The following VDAC1 variants were observed in gnomAD, a reference collection of about 807,000 sequenced individuals.
VDAC1 encodes voltage dependent anion channel 1.
In VDAC1, 10 loss-of-function variants were observed where a neutral mutation model predicts 34.7. The ratio of observed to expected loss-of-function variants is 0.29; its 90% CI spans 0.18 to 0.49. The LOEUF is 0.49. VDAC1 is among the 20% of genes least tolerant of loss of function. The pLI is 0.99. For missense variants in VDAC1, 230 were observed against 347.9 expected (o/e 0.66, Z 2.69); for synonymous variants, 130 against 136.0 (o/e 0.96, Z 0.30).
the VDAC1 span, among the ~76,000 whole-genome samples, chr5:134,105,718 G>A: frequency 1.3e-5 from 2 of 152,338 alleles, no homozygotes; most frequent in South Asian, 2.1e-4. Context: ...ATGGGGACCC[G>A]GGTCTCCCAG....
At chr5:134,076,677 A>C in the VDAC1 span, among the ~76,000 whole-genome samples, 363 of 152,160 alleles carry the variant, frequency 2.4e-3, 2 homozygotes, top group Admixed American at 8.7e-3. Flanking sequence ...GGCTCAAGAC[A>C]CGGCCCTCCT....
chr5:134,020,924 G>A, the VDAC1 span, among the ~76,000 whole-genome samples: 547 of 151,864 alleles, frequency 3.6e-3, 3 homozygotes, highest in African/African-American at 0.013. Flanking sequence ...TTGGGAGGCC[G>A]AGGTGGGAGG....
the VDAC1 span, among the ~76,000 whole-genome samples, chr5:134,093,041 T>G: frequency 6.6e-6 from 1 of 152,232 alleles, no homozygotes; most frequent in African/African-American, 2.4e-5. Flanking sequence ...GATTTGTGGA[T>G]TCATGACCCT....
At chr5:133,980,626 G>T in intron 6 of VDAC1, 103 bp downstream of exon 6, 1 of 981,982 alleles carries the variant, frequency 1.0e-6, no homozygotes, top group Non-Finnish European at 1.5e-6. Flanking sequence ...TTAAAAACTG[G>T]GCTTTCTTAA....
At chr5:134,026,533 A>C in the VDAC1 span, among the ~76,000 whole-genome samples, 4 of 151,754 alleles carry the variant, frequency 2.6e-5, no homozygotes, top group East Asian at 1.9e-4. Context: ...AAAAAAAAAA[A>C]AAAAAACACT....
chr5:134,034,774 G>GAGGAAAGGAGCTGCGAGTA, the VDAC1 span, among the ~76,000 whole-genome samples: 140 of 152,104 alleles, frequency 9.2e-4, no homozygotes, highest in African/African-American at 2.6e-3. Flanking sequence ...TTCCACTATG[G>GAGGAAAGGAGCTGCGAGTA]AGGAAAGGAG....
At chr5:134,102,333 TA>T in the VDAC1 span, among the ~76,000 whole-genome samples, 3 of 114,378 alleles carry the variant, frequency 2.6e-5, no homozygotes, top group Admixed American at 1.8e-4. Context: ...CCCCACCCTC[TA>T]CCCCCCCCAC....
chr5:134,099,384 G>A, the VDAC1 span, among the ~76,000 whole-genome samples: 1 of 152,160 alleles, frequency 6.6e-6, no homozygotes, highest in African/African-American at 2.4e-5. Flanking sequence ...GGATGCTAGA[G>A]GAGGCTGGAG....
chr5:134,013,101 AT>A, the VDAC1 span, among the ~76,000 whole-genome samples: 26 of 152,212 alleles, frequency 1.7e-4, no homozygotes, highest in Non-Finnish European at 3.4e-4. Flanking sequence ...CTCAAGACGG[AT>A]TAAAGACTTA....
At chr5:133,972,986 C>T (rs1580704105) in intron 8 of VDAC1, 124 bp from the exon 9 acceptor site, 3 of 722,440 alleles carry the variant, frequency 4.2e-6, no homozygotes, top group East Asian at 5.4e-5. Flanking sequence ...CTACATGGCC[C>T]TTCAATCCTT....
the VDAC1 span, among the ~76,000 whole-genome samples, chr5:134,033,614 C>T: frequency 6.7e-6 from 1 of 150,318 alleles, no homozygotes; most frequent in African/African-American, 2.5e-5. Flanking sequence ...ATTTCACGTA[C>T]CAATAATACT....
At chr5:134,110,651 G>A in the VDAC1 span, among the ~76,000 whole-genome samples, 9 of 152,242 alleles carry the variant, frequency 5.9e-5, no homozygotes, top group Admixed American at 4.6e-4. Context: ...CCAGCCTCCC[G>A]GCGGCTTTGG....
At chr5:133,973,730 C>A in intron 8 of VDAC1, 61 bp downstream of exon 8, 1 of 1,523,934 alleles carries the variant, frequency 6.6e-7, no homozygotes, top group Non-Finnish European at 9.0e-7. Context: ...CATAAATCAG[C>A]AAACCAGCAC....
chr5:134,020,459 C>T, the VDAC1 span, among the ~76,000 whole-genome samples: 1 of 152,008 alleles, frequency 6.6e-6, no homozygotes, highest in Non-Finnish European at 1.5e-5. Flanking sequence ...CGCTAAACCC[C>T]AAACATAAAC....
At chr5:134,007,857 A>T (rs1359657356), upstream of VDAC1, among the ~76,000 whole-genome samples, 2 of 152,012 alleles carry the variant, frequency 1.3e-5, no homozygotes, top group African/African-American at 4.8e-5. Flanking sequence ...TCCCTGTTCC[A>T]CTTCAATAAC....
At chr5:133,973,690 T>C in intron 8 of VDAC1, 101 bp downstream of exon 8, 6 of 1,027,222 alleles carry the variant, frequency 5.8e-6, no homozygotes, top group Non-Finnish European at 8.9e-6. Flanking sequence ...ATATACCCAC[T>C]GTATTATATA....
At chr5:134,007,599 C>T (rs1753777820), upstream of VDAC1, among the ~76,000 whole-genome samples, 3 of 152,216 alleles carry the variant, frequency 2.0e-5, no homozygotes, top group South Asian at 6.2e-4. Context: ...GGGTTGGGCC[C>T]CTGACCCAAG....
At chr5:134,065,951 G>A in the VDAC1 span, among the ~76,000 whole-genome samples, 2 of 151,424 alleles carry the variant, frequency 1.3e-5, no homozygotes, top group Admixed American at 1.3e-4. Context: ...CCGCCACCAC[G>A]CCTGGCTAAT....
At chr5:134,036,671 A>AAG in the VDAC1 span, among the ~76,000 whole-genome samples, 14 of 149,790 alleles carry the variant, frequency 9.3e-5, no homozygotes, top group South Asian at 2.1e-4. Flanking sequence ...AAAAAAAAAA[A>AAG]GGCCGGGTGT....
Sources: allele counts gnomAD v4.1 joint callset (sites outside exome capture counted in the v4.1 genomes callset), GRCh38; gene constraint gnomAD v4.1.1; transcripts MANE v1.5; gene names NCBI Gene and HGNC (gene_info 2026-07-23, HGNC 2026-07-21).